The following INPP4A variants were observed in gnomAD, a reference collection of about 807,000 sequenced individuals.
INPP4A encodes inositol polyphosphate-4-phosphatase type I A, also known as inositol polyphosphate-4-phosphatase, type I, 107kD.
INPP4A carries 33 observed loss-of-function variants against 119.8 expected under a neutral mutation model. The ratio of observed to expected loss-of-function variants is 0.28; its 90% confidence interval spans 0.21 to 0.37. INPP4A has a LOEUF of 0.37. INPP4A is among the 10% of genes least tolerant of loss of function. The pLI is 1.00. For missense variants in INPP4A, 956 were observed against 1,289.9 expected, an observed-to-expected ratio of 0.74 and a Z score of 3.97; for synonymous variants, 496 against 500.7, an observed-to-expected ratio of 0.99 and a Z score of 0.12.
At chr2:98,460,670 G>A (rs1388124570) in intron 1 of INPP4A, among the ~76,000 whole-genome samples, 1 of 152,168 alleles carries the variant, frequency 6.6e-6, no homozygotes, top group South Asian at 2.1e-4. Context: ...TGGCCTCCTT[G>A]TCTCCGCTCT....
At chr2:98,531,202 A>G (rs1689145664) in intron 4 of INPP4A, among the ~76,000 whole-genome samples, 1 of 152,222 alleles carries the variant, frequency 6.6e-6, no homozygotes, top group Non-Finnish European at 1.5e-5. Context: ...TACTTAAAGA[A>G]ACTTTAGGGG....
chr2:98,593,189 C>G lies in INPP4A; in HGVS notation c.*5581C>G, dbSNP rs543238615. 1 of 152,348 alleles carries G rather than the reference C, an allele frequency of 6.6e-6. No individual in the cohort carries two copies. The highest frequency in any genetic ancestry group is 1.5e-5 in the Non-Finnish European group (1 of 68,124). 9.4% of individuals were successfully genotyped at this position (152,348 alleles called of 1,614,324 possible). ...GCCCCTGTGGGCCTTGCAGGCCAGTCCAGGCAGGTCTTTCACACTGTTGTC... is the reference window on the plus strand; with the variant it reads ...GCCCCTGTGGGCCTTGCAGGCCAGTGCAGGCAGGTCTTTCACACTGTTGTC... On this transcript the variant is annotated 3_prime_UTR_variant, in exon 25 of 25. Coordinates refer to ENST00000409851, the MANE Select transcript of INPP4A (RefSeq NM_001134225.2).
chr2:98,458,209 G>A (rs1696495207), intron 1 of INPP4A, among the ~76,000 whole-genome samples: 3 of 152,034 alleles, frequency 2.0e-5, no homozygotes, highest in Admixed American at 6.6e-5. Context: ...GCATGGTGGT[G>A]CACACACATC....
At position 98,593,758 on chromosome 2, in the gene INPP4A, G is replaced by A. The variant is rs1040565088; in HGVS notation, c.*6150G>A. The stretch of plus-strand genomic sequence containing the variant: ...ATCAGCCACTGAACCTGTATCTCTT[G>A]AGAACCATCCCATAATTTCCATCCA... On this transcript the variant is annotated 3_prime_UTR_variant, in exon 25 of 25. Transcript: ENST00000409851. The A allele has an allele frequency of 6.6e-6, 1 of 152,108 alleles. No individual in the cohort carries two copies. The highest frequency in any genetic ancestry group is 2.4e-5 in the African/African-American group (1 of 41,304). The allele number at this position is 152,108 out of a possible 1,614,324, so 9.4% of individuals were successfully genotyped here. A position where few individuals can be genotyped will look rare whatever the true frequency, so the allele number is the denominator to read the frequency against.
chr2:98,593,939 T>G lies in INPP4A; in HGVS notation c.*6331T>G, dbSNP rs1700504498. 1 of 151,924 alleles carries G rather than the reference T, an allele frequency of 6.6e-6. No individual in the cohort carries two copies. The highest frequency in any genetic ancestry group is 2.4e-5 in the African/African-American group (1 of 41,410). The allele number at this position is 151,924 out of a possible 1,614,324, so 9.4% of individuals were successfully genotyped here. On this transcript the variant is annotated 3_prime_UTR_variant, in exon 25 of 25. Transcript: ENST00000409851. ...CCCTTTCAAAAAAACTTCCTCTCCT[T>G]CATTGTTGACTATGAAGATTCTTTC...
At chr2:98,586,375 C>A (rs1699952199) in intron 24 of INPP4A, among the ~76,000 whole-genome samples, 1 of 151,620 alleles carries the variant, frequency 6.6e-6, no homozygotes. Flanking sequence ...GGTCTTCATA[C>A]AATTTGAATT....
intron 24 of INPP4A, 25 bp downstream of exon 24, chr2:98,577,168 G>GCT (rs1698560701): frequency 1.9e-6 from 3 of 1,550,226 alleles, no homozygotes; most frequent in Non-Finnish European, 2.6e-6. Flanking sequence ...CAGGCCGCGC[G>GCT]CCCCGCCTGC....
At chr2:98,478,927 G>A (rs567829192) in intron 1 of INPP4A, among the ~76,000 whole-genome samples, 4 of 152,266 alleles carry the variant, frequency 2.6e-5, no homozygotes, top group Admixed American at 6.5e-5. Context: ...AAGTCTTCAG[G>A]CATCTTTCGA....
At chr2:98,456,892 G>A (rs148469513) in intron 1 of INPP4A, among the ~76,000 whole-genome samples, 97 of 152,288 alleles carry the variant, frequency 6.4e-4, no homozygotes, top group African/African-American at 2.3e-3. Context: ...TTAGTCTAAT[G>A]TCTTTACCAA....
chr2:98,537,827 G>C, intron 7 of INPP4A, 36 bp from the exon 8 acceptor site: 2 of 1,459,700 alleles, frequency 1.4e-6, no homozygotes, highest in Non-Finnish European at 1.9e-6. Context: ...AAGCACAGTT[G>C]CAGCACCACT....
chr2:98,560,434 C>T (rs1695265976), intron 17 of INPP4A, among the ~76,000 whole-genome samples: 1 of 152,192 alleles, frequency 6.6e-6, no homozygotes, highest in African/African-American at 2.4e-5. Context: ...CATAGTGTGG[C>T]AGCTCCTGGC....
chr2:98,518,651 C>T (rs1335351275), intron 1 of INPP4A, among the ~76,000 whole-genome samples: 2 of 152,228 alleles, frequency 1.3e-5, no homozygotes, highest in East Asian at 3.8e-4. Flanking sequence ...CCAGGGCCTA[C>T]AGTTTGTGAG....
intron 1 of INPP4A, among the ~76,000 whole-genome samples, chr2:98,450,267 G>A (rs1424108038): frequency 6.6e-6 from 1 of 152,058 alleles, no homozygotes; most frequent in Non-Finnish European, 1.5e-5. Flanking sequence ...GCTCAACTGG[G>A]ACTAAAACCC....
intron 1 of INPP4A, among the ~76,000 whole-genome samples, chr2:98,504,459 C>G (rs147774474): frequency 4.3e-4 from 65 of 152,358 alleles, no homozygotes; most frequent in African/African-American, 1.4e-3. Context: ...TCCATGGGAC[C>G]TAGAGGACCA....
chr2:98,464,588 C>T (rs2104709255), intron 1 of INPP4A, among the ~76,000 whole-genome samples: 1 of 152,338 alleles, frequency 6.6e-6, no homozygotes, highest in South Asian at 2.1e-4. Flanking sequence ...GCAGAGTTCT[C>T]AGTTCCCATG....
rs1467175520 is a variant in INPP4A, at chr2:98,545,976, G to T, written c.957G>T (p.Ser319=). The change falls in exon 12 of 25, where the codon TCG becomes TCT. Residue 319 remains serine (S), a synonymous_variant. Transcript: ENST00000409851. ...LTDLHQYRGP[S]FKASSLKADK... ...TCCTATTCCATTTCTTAGGGCCCTCGTTTAAAGCAAGCAGTTTGAAAGCAG... is the reference window on the plus strand; with the variant it reads ...TCCTATTCCATTTCTTAGGGCCCTCTTTTAAAGCAAGCAGTTTGAAAGCAG... The T allele has an allele frequency of 6.3e-7, 1 of 1,587,636 alleles. No homozygotes were observed.
At chr2:98,481,283 G>C (rs1678389611) in intron 1 of INPP4A, among the ~76,000 whole-genome samples, 1 of 152,138 alleles carries the variant, frequency 6.6e-6, no homozygotes, top group Non-Finnish European at 1.5e-5. Context: ...TGTGGACCTG[G>C]TGTGATCCTG....
chr2:98,510,892 G>A (rs910361039), intron 1 of INPP4A, among the ~76,000 whole-genome samples: 16 of 152,172 alleles, frequency 1.1e-4, no homozygotes, highest in African/African-American at 3.4e-4. Flanking sequence ...TGCCATTGCT[G>A]CCTGTCCATC....
chr2:98,587,579 G>A lies in INPP4A; in HGVS notation c.2890G>A (p.Glu964Lys), dbSNP rs529481819. The A allele has an allele frequency of 5.0e-6, 8 of 1,600,760 alleles. No homozygotes were observed. The highest frequency in any genetic ancestry group is 2.7e-5 in the African/African-American group (2 of 74,278). Residue 964 changes from glutamate to lysine, a missense_variant, in exon 25 of 25, where the codon GAA (glutamate) becomes AAA (lysine). Glu to Lys is a moderately conservative substitution (Grantham distance 56). This residue lies in a region of INPP4A where 304 missense variants were observed against 492.1 expected (regional missense o/e 0.62). Coordinates refer to ENST00000409851, the MANE Select transcript of INPP4A (RefSeq NM_001134225.2). ...TTTCCCCAAGCATTACAGGCCTCCC[G>A]AAGGGACTTACGGAAAAGTTGAAAC... ...KAFPKHYRPP[E>K]GTYGKVET
Sources: allele counts gnomAD v4.1 joint callset (sites outside exome capture counted in the v4.1 genomes callset), GRCh38; gene constraint gnomAD v4.1.1; regional missense constraint gnomAD v4.1.1; transcripts MANE v1.5; gene names NCBI Gene and HGNC (gene_info 2026-07-23, HGNC 2026-07-21).